Variants in AKT3 observed in about 807,000 individuals in gnomAD.
AKT3 encodes AKT serine/threonine kinase 3, also known as RAC-gamma serine/threonine-protein kinase.
Under a neutral mutation model 65.3 loss-of-function variants are expected in AKT3, and 15 were observed. The observed-to-expected ratio is 0.23, with a 90% CI of 0.15 to 0.35. AKT3 has a LOEUF of 0.35. Ranked by LOEUF, AKT3 falls within the 10% of genes least tolerant of loss-of-function variation. AKT3 has a pLI of 1.00. For missense variants in AKT3, 243 were observed against 576.5 expected, an observed-to-expected ratio of 0.42 and a Z score of 5.92; for synonymous variants, 206 against 183.8, an observed-to-expected ratio of 1.12 and a Z score of -0.98.
intron 4 of AKT3, among the ~76,000 whole-genome samples, chr1:243,663,874 G>T (rs947856706): frequency 9.9e-5 from 15 of 152,172 alleles, no homozygotes; most frequent in African/African-American, 3.6e-4. Context: ...ATAGAATTGG[G>T]AAGTGGTTGT....
intron 2 of AKT3, among the ~76,000 whole-genome samples, chr1:243,799,946 G>A (rs911820243): frequency 2.4e-4 from 37 of 152,176 alleles, no homozygotes; most frequent in African/African-American, 8.2e-4. Context: ...CTTGGGGAGT[G>A]GGGGGATCCA....
chr1:243,684,161 CTTTTT>C (rs571243072), intron 3 of AKT3, among the ~76,000 whole-genome samples: 1 of 151,564 alleles, frequency 6.6e-6, no homozygotes, highest in African/African-American at 2.4e-5. Context: ...ATGTTTTTTA[CTTTTT>C]TTTATTATAC....
At chr1:243,825,295 G>C (rs1316161860) in intron 2 of AKT3, among the ~76,000 whole-genome samples, 1 of 152,134 alleles carries the variant, frequency 6.6e-6, no homozygotes, top group Non-Finnish European at 1.5e-5. Context: ...GCTAATGCAT[G>C]TTGGGCTTAA....
At position 243,645,917 on chromosome 1, in the gene AKT3, G is replaced by A. The variant is rs753960292; in HGVS notation, c.405C>T (p.Ala135=). The change falls in exon 5 of 14, where the codon GCC becomes GCT. Residue 135 remains alanine, a synonymous_variant. Transcript: ENST00000673466. ...CCTTTCTTTTATGATGGGTTGTAGA[G>A]GCATCCATCTCTTCCTCTCCTATAT... The part of the protein sequence containing the change: ...IDNIGEEEMD[A]STTHHKRKTM... 33 of 1,611,624 alleles carry A rather than the reference G, an allele frequency of 2.0e-5. No homozygotes were observed. Among genetic ancestry groups the A allele is most frequent in the Non-Finnish European group, 2.8e-5 (33 of 1,178,530 alleles).
chr1:243,574,651 C>A (rs1674809110), intron 8 of AKT3, among the ~76,000 whole-genome samples: 1 of 152,048 alleles, frequency 6.6e-6, no homozygotes, highest in Non-Finnish European at 1.5e-5. Flanking sequence ...TTAAAAAATT[C>A]ATTCATTTCA....
At chr1:243,577,819 A>C (rs1433221036) in intron 8 of AKT3, among the ~76,000 whole-genome samples, 1 of 152,176 alleles carries the variant, frequency 6.6e-6, no homozygotes, top group African/African-American at 2.4e-5. Flanking sequence ...CAGAGTCTAC[A>C]AGGAACTTAA....
At chr1:243,750,125 A>G (rs1218324845) in intron 2 of AKT3, among the ~76,000 whole-genome samples, 1 of 152,200 alleles carries the variant, frequency 6.6e-6, no homozygotes, top group Non-Finnish European at 1.5e-5. Flanking sequence ...CAGTTTCTAA[A>G]TAGAAATTGA....
At chr1:243,538,334 G>C (rs1303241522) in intron 12 of AKT3, among the ~76,000 whole-genome samples, 1 of 149,478 alleles carries the variant, frequency 6.7e-6, no homozygotes. Flanking sequence ...TGATAAAATG[G>C]AACCATAAAA....
intron 2 of AKT3, among the ~76,000 whole-genome samples, chr1:243,770,971 G>C (rs1690142328): frequency 6.6e-6 from 1 of 152,182 alleles, no homozygotes; most frequent in Middle Eastern, 3.4e-3. Flanking sequence ...CTTCTAAAAA[G>C]ATATATGGGG....
At chr1:243,588,619 A>G (rs1675972730) in intron 8 of AKT3, among the ~76,000 whole-genome samples, 1 of 152,240 alleles carries the variant, frequency 6.6e-6, no homozygotes, top group African/African-American at 2.4e-5. Flanking sequence ...TGACAAGGGT[A>G]CTGAAAATAC....
At chr1:243,768,560 G>A (rs879580114) in intron 2 of AKT3, among the ~76,000 whole-genome samples, 20 of 152,070 alleles carry the variant, frequency 1.3e-4, no homozygotes, top group African/African-American at 3.1e-4. Context: ...GATATAGGCC[G>A]GGCGTGGTGG....
At chr1:243,762,808 A>T (rs142982054) in intron 2 of AKT3, among the ~76,000 whole-genome samples, 48 of 152,202 alleles carry the variant, frequency 3.2e-4, no homozygotes, top group Non-Finnish European at 5.6e-4. Flanking sequence ...GGCCAAGTAT[A>T]TTATAGTGAA....
At chr1:243,620,717 A>C (rs1451032407) in intron 6 of AKT3, among the ~76,000 whole-genome samples, 1 of 152,044 alleles carries the variant, frequency 6.6e-6, no homozygotes. Flanking sequence ...ACCTTGATGG[A>C]GATGAAAGCA....
intron 13 of AKT3, among the ~76,000 whole-genome samples, chr1:243,509,924 AG>A (rs1447750348): frequency 6.6e-6 from 1 of 152,170 alleles, no homozygotes; most frequent in Non-Finnish European, 1.5e-5. Flanking sequence ...GACACAAGGC[AG>A]GTTCCCCAGG....
intron 2 of AKT3, among the ~76,000 whole-genome samples, chr1:243,731,470 C>T (rs979978695): frequency 2.5e-4 from 38 of 152,166 alleles, no homozygotes; most frequent in African/African-American, 8.4e-4. Flanking sequence ...TAAGCCAAGG[C>T]GTCCTCTACA....
intron 2 of AKT3, among the ~76,000 whole-genome samples, chr1:243,722,602 A>G (rs1350057347): frequency 1.3e-5 from 2 of 152,174 alleles, no homozygotes; most frequent in African/African-American, 4.8e-5. Context: ...CCTTCAGACT[A>G]AGAAGAACAA....
At chr1:243,814,076 A>G (rs1275483368) in intron 2 of AKT3, among the ~76,000 whole-genome samples, 1 of 152,222 alleles carries the variant, frequency 6.6e-6, no homozygotes. Flanking sequence ...TAAGCAACAG[A>G]GTGAGATCAG....
At chr1:243,699,513 A>ATATATATATATATATATATATATATATAT (rs1685303642) in intron 2 of AKT3, among the ~76,000 whole-genome samples, 1 of 117,780 alleles carries the variant, frequency 8.5e-6, no homozygotes, top group African/African-American at 3.3e-5. Context: ...ATATATATAT[A>ATATATATATATATATATATATATATATAT]ATCTTCATGG....
chr1:243,575,495 A>G (rs1052543269), intron 8 of AKT3, among the ~76,000 whole-genome samples: 1 of 152,210 alleles, frequency 6.6e-6, no homozygotes, highest in East Asian at 1.9e-4. Context: ...AGCATTTTGT[A>G]TATCAATCAT....
Sources: gnomAD v4.1 joint callset for allele counts (sites outside exome capture counted in the v4.1 genomes callset) on GRCh38, gnomAD v4.1.1 for gene constraint, MANE v1.5 for transcripts, NCBI Gene and HGNC (gene_info 2026-07-23, HGNC 2026-07-21) for gene names.